OSMR: variants seen among roughly 807,000 people sequenced by gnomAD.
OSMR encodes oncostatin-M-specific receptor subunit beta.
A neutral mutation model predicts 99.9 loss-of-function variants in OSMR; 81 were observed. That is an observed-to-expected ratio of 0.81 (90% confidence interval 0.68 to 0.97). The LOEUF (loss-of-function observed/expected upper bound fraction) is 0.97, where lower values mean the gene tolerates loss of function less well. Ranked by LOEUF, OSMR falls within the 50% of genes least tolerant of loss-of-function variation. OSMR has a pLI of 0.00. For missense variants in OSMR, 1,099 were observed against 1,153.4 expected (o/e 0.95, Z 0.68); for synonymous variants, 406 against 410.4 (o/e 0.99, Z 0.13).
intron 7 of OSMR, among the ~76,000 whole-genome samples, chr5:38,892,530 G>A (rs1180517532): frequency 6.6e-6 from 1 of 152,158 alleles, no homozygotes; most frequent in Non-Finnish European, 1.5e-5. Flanking sequence ...CCTGAGATTA[G>A]GCTGACTCAA....
rs146597971 is a variant in OSMR, at chr5:38,913,891, C to T, written c.1286-3655C>T. The stretch of plus-strand genomic sequence containing the variant: ...AAAGGGGGAAGGTTAAGCTACTGTA[C>T]GCATTTGTTTGCAATGTGTCATCTC... On this transcript the variant is annotated intron_variant, in intron 9 of 17. Coordinates refer to ENST00000274276, the MANE Select transcript of OSMR (RefSeq NM_003999.3). 3.8e-3 allele frequency among the ~76,000 whole-genome samples: 581 copies of T among 152,276 alleles called. 4 individuals are homozygous for T. Among genetic ancestry groups the T allele is most frequent in the Non-Finnish European group, 6.1e-3 (416 of 68,026 alleles).
intron 9 of OSMR, among the ~76,000 whole-genome samples, chr5:38,911,559 C>G (rs2112588539): frequency 6.6e-6 from 1 of 152,330 alleles, no homozygotes; most frequent in East Asian, 1.9e-4. Context: ...CTAACTCATT[C>G]TGTGAGGCCA....
chr5:38,900,449 G>T (rs1561382633), intron 7 of OSMR, among the ~76,000 whole-genome samples: 1 of 152,126 alleles, frequency 6.6e-6, no homozygotes, highest in Admixed American at 6.5e-5. Context: ...TTAATCTGGT[G>T]ATCCTGCAGG....
chr5:38,848,658 GT>G (rs982747559), intron 1 of OSMR, among the ~76,000 whole-genome samples: 15 of 152,244 alleles, frequency 9.9e-5, no homozygotes, highest in African/African-American at 3.4e-4. Context: ...ATATACATAT[GT>G]TTTAAATATG....
intron 11 of OSMR, chr5:38,919,368 G>C (rs1746117289): frequency 7.4e-7 from 1 of 1,344,846 alleles, no homozygotes; most frequent in Non-Finnish European, 9.7e-7. Flanking sequence ...TCACCACTGA[G>C]AGTTGGAGTT....
At chr5:38,862,444 CG>C (rs1242693124) in intron 1 of OSMR, among the ~76,000 whole-genome samples, 45 of 148,226 alleles carry the variant, frequency 3.0e-4, no homozygotes, top group Non-Finnish European at 3.9e-4. Flanking sequence ...CCCTCCCGGA[CG>C]GGTGGCTGCT....
intron 1 of OSMR, among the ~76,000 whole-genome samples, chr5:38,864,296 G>C (rs1167977062): frequency 1.3e-5 from 2 of 151,926 alleles, no homozygotes; most frequent in East Asian, 3.9e-4. Context: ...TTCTGCAGTG[G>C]ATATATCTGA....
chr5:38,851,199 G>GCA (rs1231001160), intron 1 of OSMR, among the ~76,000 whole-genome samples: 1 of 152,112 alleles, frequency 6.6e-6, no homozygotes, highest in East Asian at 1.9e-4. Flanking sequence ...TTTAAAACAT[G>GCA]CACACACACA....
At chr5:38,861,982 C>T (rs1741405073) in intron 1 of OSMR, among the ~76,000 whole-genome samples, 1 of 124,080 alleles carries the variant, frequency 8.1e-6, no homozygotes, top group Non-Finnish European at 1.7e-5. Context: ...CTGACCCCCT[C>T]ACCTCCCTCC....
At chr5:38,861,316 G>A (rs1427712962) in intron 1 of OSMR, among the ~76,000 whole-genome samples, 1 of 151,956 alleles carries the variant, frequency 6.6e-6, no homozygotes. Context: ...AGGGAGTGGT[G>A]ATGATTCTTA....
chr5:38,931,196 TAGA>T (rs1056444127), intron 15 of OSMR, among the ~76,000 whole-genome samples: 2 of 152,172 alleles, frequency 1.3e-5, no homozygotes, highest in African/African-American at 4.8e-5. Flanking sequence ...TGAGGCTAAC[TAGA>T]AGGAGTGCAC....
At chr5:38,867,798 C>T (rs949780438) in intron 1 of OSMR, among the ~76,000 whole-genome samples, 3 of 152,168 alleles carry the variant, frequency 2.0e-5, no homozygotes, top group Non-Finnish European at 4.4e-5. Context: ...TGGAGATGCT[C>T]TCACCTCCAA....
chr5:38,937,851 T>C (rs990082077), downstream of OSMR: 1 of 172,374 alleles, frequency 5.8e-6, no homozygotes, highest in Admixed American at 6.4e-5. The surrounding 1 kb of genome is among the most constrained non-coding windows in gnomAD (Gnocchi z 4.0). Flanking sequence ...AGCATCGGCA[T>C]TACAGGACTC....
rs1033404108 is a variant in OSMR at position 38,886,187 on chromosome 5, C to A, written c.988C>A (p.Arg330=). Reference sequence around the variant, plus strand: ...CAATATCCTTTTTAACCTGACTCATCGAGGTGAGACTAGAGTTGTCACAGC... The same window carrying A: ...CAATATCCTTTTTAACCTGACTCATAGAGGTGAGACTAGAGTTGTCACAGC... The part of the protein sequence containing the change: ...SVNILFNLTH[R]VYLMNPFSVN... The change falls in exon 7 of 18, where the codon CGA becomes AGA. Residue 330 remains arginine (R), a synonymous_variant. Transcript: ENST00000274276. The A allele has an allele frequency of 3.7e-6, 6 of 1,614,034 alleles. No individual in the cohort carries two copies.
At chr5:38,907,527 A>G (rs1745321565) in intron 9 of OSMR, among the ~76,000 whole-genome samples, 1 of 152,198 alleles carries the variant, frequency 6.6e-6, no homozygotes, top group Non-Finnish European at 1.5e-5. Context: ...ACAGAGGAGA[A>G]TGGTCTTACC....
chr5:38,907,427 T>C (rs1192868584), intron 9 of OSMR, among the ~76,000 whole-genome samples: 1 of 152,208 alleles, frequency 6.6e-6, no homozygotes, highest in Admixed American at 6.5e-5. Context: ...CAGAAACATC[T>C]GCAGTGGAGC....
chr5:38,923,002 C>A, intron 12 of OSMR, 148 bp from the exon 13 acceptor site: 1 of 811,428 alleles, frequency 1.2e-6, no homozygotes, highest in Non-Finnish European at 2.0e-6. Flanking sequence ...TCTCCAACTC[C>A]TGGCCTCAAG....
In OSMR at chr5:38,935,146, A is replaced by C. The variant is rs1746957132; in HGVS notation, c.*1702A>C. ...CACTGCGCCTAGCCGTCACATTTCTAAACAAGCATGAAAGGGGTTCATTTT... is the reference window on the plus strand; with the variant it reads ...CACTGCGCCTAGCCGTCACATTTCTCAACAAGCATGAAAGGGGTTCATTTT... On this transcript the variant is annotated 3_prime_UTR_variant, in exon 18 of 18. Coordinates refer to ENST00000274276, the MANE Select transcript of OSMR (RefSeq NM_003999.3). The C allele has an allele frequency of 6.6e-6, 1 of 151,942 alleles. No homozygotes were observed. The highest frequency in any genetic ancestry group is 2.4e-5 in the African/African-American group (1 of 41,334). 9.4% of individuals were successfully genotyped at this position (151,942 alleles called of 1,614,324 possible).
At chr5:38,916,293 G>T (rs1745894041) in intron 9 of OSMR, among the ~76,000 whole-genome samples, 1 of 152,078 alleles carries the variant, frequency 6.6e-6, no homozygotes, top group African/African-American at 2.4e-5. Context: ...TGTTGAACTT[G>T]TCATGCAAGC....
Sources: allele counts gnomAD v4.1 joint callset (sites outside exome capture counted in the v4.1 genomes callset), GRCh38; gene constraint gnomAD v4.1.1; non-coding constraint Gnocchi (gnomAD v3.1); transcripts MANE v1.5; gene names NCBI Gene and HGNC (gene_info 2026-07-23, HGNC 2026-07-21).